Variants in SMAP1 observed in about 807,000 individuals in gnomAD.
SMAP1 encodes the protein stromal membrane-associated protein 1.
SMAP1 carries 24 observed loss-of-function variants against 58.5 expected under a neutral mutation model. The ratio of observed to expected loss-of-function variants is 0.41; its 90% CI spans 0.30 to 0.58. The LOEUF (loss-of-function observed/expected upper bound fraction) is 0.58, where lower values mean the gene tolerates loss of function less well. Ranked by LOEUF, SMAP1 falls within the 20% of genes least tolerant of loss-of-function variation. SMAP1 has a pLI of 0.29. For synonymous variants in SMAP1, 216 were observed against 196.6 expected (o/e 1.10, Z -0.82); for missense variants, 563 against 566.3 (o/e 0.99, Z 0.06).
intron 6 of SMAP1, among the ~76,000 whole-genome samples, chr6:70,823,660 T>G (rs1326711744): frequency 1.3e-5 from 2 of 152,170 alleles, no homozygotes; most frequent in Non-Finnish European, 2.9e-5. Context: ...TCCCATATAC[T>G]TTAAATAATA....
rs1159975603 is a variant in SMAP1, at chr6:70,771,705, G to A, written c.339-1645G>A. The stretch of plus-strand genomic sequence containing the variant: ...AACTCCCTGTCCCTTTGCGCTTCCC[G>A]AGTGAGGCAATGCCTCTCCCTGCTT... On this transcript the variant is annotated intron_variant, in intron 3 of 10. Transcript: ENST00000370455. Among the ~76,000 whole-genome samples, 6 of 152,248 alleles carry A rather than the reference G, an allele frequency of 3.9e-5. No homozygotes were observed. In the East Asian group the frequency reaches 9.7e-4, roughly 24 times the overall value.
intron 1 of SMAP1, among the ~76,000 whole-genome samples, chr6:70,690,413 TCTC>T (rs1245058352): frequency 3.3e-5 from 5 of 152,022 alleles, no homozygotes; most frequent in African/African-American, 1.2e-4. Flanking sequence ...TTCAAATGAT[TCTC>T]CTGCCTCAGC....
intron 4 of SMAP1, among the ~76,000 whole-genome samples, chr6:70,790,161 G>C (rs1374456390): frequency 2.0e-5 from 3 of 151,842 alleles, no homozygotes; most frequent in Non-Finnish European, 4.4e-5. Context: ...ATTTTTTTGA[G>C]ACGGAGTCTC....
rs113580897 is a variant in SMAP1 at position 70,667,964 on chromosome 6, G to C, written c.-60G>C. ...GGCGCCAGGTGCGTTCACTCTGCCC[G>C]GCTCCAGCCAGCGTCCGCCGCCGCC... On this transcript the variant is annotated 5_prime_UTR_variant, in exon 1 of 11. Transcript: ENST00000370455. The C allele has an allele frequency of 8.9e-3, 13,032 of 1,459,716 alleles. 71 individuals are homozygous for C. Among genetic ancestry groups the C allele is most frequent in the Non-Finnish European group, 0.011 (11,535 of 1,078,146 alleles). The allele number at this position is 1,459,716 out of a possible 1,614,324, so 90.4% of individuals were successfully genotyped here.
Position 70,860,548 on chromosome 6 carries a change from T to C in SMAP1, c.*214T>C, listed in dbSNP as rs1771673490. On this transcript the variant is annotated 3_prime_UTR_variant, in exon 11 of 11. Transcript: ENST00000370455. ...CATTTTATGTCAAGGGCAGCTTTGC[T>C]CATATTTCCCATGATTTCATGTACT... 1 of 488,068 alleles carries C rather than the reference T, an allele frequency of 2.0e-6. No homozygotes were observed. The highest frequency in any genetic ancestry group is 3.4e-6 in the Non-Finnish European group (1 of 292,238). The allele number at this position is 488,068 out of a possible 1,614,324, so 30.2% of individuals were successfully genotyped here.
chr6:70,715,309 T>G (rs374149514), intron 1 of SMAP1, among the ~76,000 whole-genome samples: 164 of 152,228 alleles, frequency 1.1e-3, no homozygotes, highest in African/African-American at 3.9e-3. Context: ...TTGCCCAGGC[T>G]GGTCTCAAAC....
chr6:70,759,185 T>C (rs1766644502), intron 3 of SMAP1, among the ~76,000 whole-genome samples: 2 of 152,092 alleles, frequency 1.3e-5, no homozygotes, highest in Admixed American at 1.3e-4. Flanking sequence ...TAAAGCATGG[T>C]AGAAGGAAAA....
rs185705890 is a variant in SMAP1, at chr6:70,765,730, A to C, written c.339-7620A>C. On this transcript the variant is annotated intron_variant, in intron 3 of 10. Coordinates refer to ENST00000370455, the MANE Select transcript of SMAP1 (RefSeq NM_001044305.3). ...AATTTGTATTCACTTTTCTTTTTTT[A>C]TTTTTTATTTATTTTTATTTTATTA... Among the ~76,000 whole-genome samples, 653 of 151,392 alleles carry C rather than the reference A, an allele frequency of 4.3e-3. 3 individuals carry two copies. The highest frequency in any genetic ancestry group is 6.8e-3 in the Non-Finnish European group (461 of 67,696).
intron 2 of SMAP1, among the ~76,000 whole-genome samples, chr6:70,752,757 A>T (rs1766330045): frequency 6.6e-6 from 1 of 150,468 alleles, no homozygotes; most frequent in Admixed American, 6.6e-5. Context: ...ACCCTTTTCT[A>T]GTCTACTTTT....
At chr6:70,684,318 A>G (rs1165810944) in intron 1 of SMAP1, among the ~76,000 whole-genome samples, 1 of 152,224 alleles carries the variant, frequency 6.6e-6, no homozygotes, top group Admixed American at 6.5e-5. Flanking sequence ...GGAAAGCACT[A>G]GAGCATTGGT....
chr6:70,723,741 A>G (rs1336779330), intron 1 of SMAP1, among the ~76,000 whole-genome samples: 1 of 152,178 alleles, frequency 6.6e-6, no homozygotes, highest in Non-Finnish European at 1.5e-5. Context: ...ACTCTTGGTA[A>G]ATCTTTGTGA....
chr6:70,800,595 C>T (rs1265965309), intron 6 of SMAP1, among the ~76,000 whole-genome samples: 1 of 151,986 alleles, frequency 6.6e-6, no homozygotes, highest in Non-Finnish European at 1.5e-5. Flanking sequence ...TATACATGTG[C>T]CATGTTGGTT....
chr6:70,743,704 A>G (rs1306768184), intron 2 of SMAP1, among the ~76,000 whole-genome samples: 3 of 152,212 alleles, frequency 2.0e-5, no homozygotes, highest in Non-Finnish European at 4.4e-5. Context: ...CCTCAGGTAT[A>G]TGCTTAACTT....
intron 2 of SMAP1, among the ~76,000 whole-genome samples, chr6:70,749,288 C>T (rs1360405947): frequency 6.6e-6 from 1 of 152,150 alleles, no homozygotes; most frequent in African/African-American, 2.4e-5. Flanking sequence ...ATGATTCAAT[C>T]ACCTCCCACC....
chr6:70,830,866 A>C (rs1770330194), intron 6 of SMAP1, among the ~76,000 whole-genome samples: 1 of 152,224 alleles, frequency 6.6e-6, no homozygotes, highest in African/African-American at 2.4e-5. Flanking sequence ...GAAACTAAGT[A>C]GACTTTAGAG....
intron 1 of SMAP1, among the ~76,000 whole-genome samples, chr6:70,718,789 C>T (rs998860934): frequency 1.9e-4 from 25 of 134,790 alleles, no homozygotes; most frequent in African/African-American, 6.6e-4. Flanking sequence ...CACTTCACTC[C>T]AGCCTGGGTG....
chr6:70,793,028 T>G (rs1006748421), intron 5 of SMAP1, among the ~76,000 whole-genome samples: 10 of 151,338 alleles, frequency 6.6e-5, no homozygotes, highest in Non-Finnish European at 1.3e-4. Flanking sequence ...ATTTTTAAAT[T>G]TTATTTTATT....
intron 2 of SMAP1, among the ~76,000 whole-genome samples, chr6:70,745,344 T>A (rs1334571909): frequency 5.3e-5 from 8 of 152,208 alleles, no homozygotes; most frequent in Non-Finnish European, 1.2e-4. Flanking sequence ...TTGAATTAAT[T>A]TTTGTATAAG....
At chr6:70,705,000 C>G (rs560858037) in intron 1 of SMAP1, among the ~76,000 whole-genome samples, 16 of 152,260 alleles carry the variant, frequency 1.1e-4, no homozygotes, top group African/African-American at 3.6e-4. Flanking sequence ...ATTTGTAGTT[C>G]ATGATGGCAG....
Sources: allele counts gnomAD v4.1 joint callset (sites outside exome capture counted in the v4.1 genomes callset), GRCh38; gene constraint gnomAD v4.1.1; transcripts MANE v1.5; gene names NCBI Gene and HGNC (gene_info 2026-07-23, HGNC 2026-07-21).